Variants in RPL23 observed in about 807,000 individuals in gnomAD.
The protein encoded by RPL23 is large ribosomal subunit protein uL14.
For missense variants in RPL23, 79 were observed against 178.8 expected, an observed-to-expected ratio of 0.44 and a Z score of 3.18; for synonymous variants, 63 against 65.3, an observed-to-expected ratio of 0.97 and a Z score of 0.17.
Position 38,850,485 on chromosome 17 carries a change from GA to G in RPL23, c.227-11del. The stretch of plus-strand genomic sequence containing the variant: ...ACCACTGCTGGATGTACTGAGAGAA[GA>G]AAAAAGGACAGCAGTCATTAACCTG... On this transcript the variant is annotated splice_polypyrimidine_tract_variant and intron_variant, in intron 3 of 4. Coordinates refer to ENST00000479035, the MANE Select transcript of RPL23 (RefSeq NM_000978.4). 6.3e-7 allele frequency: 1 copy of G among 1,590,174 alleles called. No individual in the cohort carries two copies. Among genetic ancestry groups the G allele is most frequent in the Non-Finnish European group, 8.6e-7 (1 of 1,161,744 alleles).
chr17:38,848,076 C>T lies in RPL23; in HGVS notation c.*2056G>A. On this transcript the variant is annotated 3_prime_UTR_variant, in exon 5 of 5. Transcript: ENST00000479035. Reference sequence around the variant, plus strand: ...AGCAAGACTGCCTCAGAAAAGATAACATTCAAAAACAGCAGCGATTAGTGG... The same window carrying T: ...AGCAAGACTGCCTCAGAAAAGATAATATTCAAAAACAGCAGCGATTAGTGG... 6.5e-7 allele frequency: 1 copy of T among 1,529,632 alleles called. No individual in the cohort carries two copies. The highest frequency in any genetic ancestry group is 8.8e-7 in the Non-Finnish European group (1 of 1,139,652). The allele number at this position is 1,529,632 out of a possible 1,614,324, so 94.8% of individuals were successfully genotyped here.
At chr17:38,852,184 G>A (rs1450585666) in intron 3 of RPL23, 1 of 186,626 alleles carries the variant, frequency 5.4e-6, no homozygotes, top group African/African-American at 2.4e-5. Flanking sequence ...ATGTGCCACT[G>A]CACTCCAGCC....
intron 3 of RPL23, chr17:38,851,145 A>ATTTC (rs1912991256): frequency 1.3e-5 from 2 of 152,228 alleles, no homozygotes; most frequent in African/African-American, 4.8e-5. Context: ...AGTGAAATAT[A>ATTTC]ATGCTTGTGA....
Position 38,849,363 on chromosome 17 carries a change from C to CG in RPL23, c.*768dup, listed in dbSNP as rs1912939367. 8.9e-6 allele frequency: 1 copy of CG among 112,136 alleles called. No individual in the cohort carries two copies. The highest frequency in any genetic ancestry group is 1.9e-5 in the Non-Finnish European group (1 of 53,008). The allele number at this position is 112,136 out of a possible 1,614,324, so 6.9% of individuals were successfully genotyped here. ...TCAATGCCTTTTTTTGGGGCGGGGG[C>CG]GGGAACGGAATCTTGCTCCGTTGCC... On this transcript the variant is annotated 3_prime_UTR_variant, in exon 5 of 5. Transcript: ENST00000479035.
chr17:38,851,538 T>C (rs2143679544), intron 3 of RPL23: 1 of 152,320 alleles, frequency 6.6e-6, no homozygotes, highest in Non-Finnish European at 1.5e-5. Flanking sequence ...GTCCCACCAC[T>C]GACTGAGACC....
Position 38,853,041 on chromosome 17 carries a change from G to C in RPL23, c.78C>G (p.Ile26Met). The stretch of plus-strand genomic sequence containing the variant: ...CCTCACCTGTGTTGTCAGCACAATT[G>C]ATTACAGCTCCTACCGGAAGACCCA... ...ISLGLPVGAVINCADNTGAKN... is the reference protein window; with the variant it reads ...ISLGLPVGAVMNCADNTGAKN... Residue 26 changes from isoleucine to methionine, a missense_variant, in exon 2 of 5, where the codon ATC becomes ATG. Ile to Met is a conservative substitution (Grantham distance 10). Coordinates refer to ENST00000479035, the MANE Select transcript of RPL23 (RefSeq NM_000978.4). 6.2e-7 allele frequency: 1 copy of C among 1,614,098 alleles called. No homozygotes were observed. The highest frequency in any genetic ancestry group is 1.1e-5 in the South Asian group (1 of 91,070).
intron 3 of RPL23, 196 bp from the exon 4 acceptor site, chr17:38,850,671 T>G (rs1912976160): frequency 6.1e-6 from 1 of 164,884 alleles, no homozygotes; most frequent in South Asian, 8.3e-5. Context: ...TGCCCAGATT[T>G]TTTTTTTTTT....
chr17:38,852,792 T>G lies in RPL23; in HGVS notation c.98-60A>C, dbSNP rs1913040047. 1.9e-6 allele frequency: 3 copies of G among 1,611,778 alleles called. No homozygotes were observed. The Admixed American group carries it at 5.0e-5, about 27-fold the overall frequency. On this transcript the variant is annotated intron_variant, in intron 2 of 4. Transcript: ENST00000479035. Reference sequence around the variant, plus strand: ...GAGGGCCATCAGGCCGTTCCATCAGTATAACATTTCCCAAACACTTCCAAA... The same window carrying G: ...GAGGGCCATCAGGCCGTTCCATCAGGATAACATTTCCCAAACACTTCCAAA...
chr17:38,849,944 C>A lies in RPL23; in HGVS notation c.*188G>T. On this transcript the variant is annotated 3_prime_UTR_variant, in exon 5 of 5. Transcript: ENST00000479035. ...AGTCGTTTGGCAAACATGGTGAAAC[C>A]CTGTCTCCACCAAAAATACAAAAAC... The A allele has an allele frequency of 3.9e-6, 2 of 512,366 alleles. No homozygotes were observed. Among genetic ancestry groups the A allele is most frequent in the Non-Finnish European group, 6.9e-6 (2 of 291,960 alleles). The allele number at this position is 512,366 out of a possible 1,614,324, so 31.7% of individuals were successfully genotyped here. A position where few individuals can be genotyped will look rare whatever the true frequency, so the allele number is the denominator to read the frequency against.
rs1426602757 is a variant in RPL23, at chr17:38,848,716, C to A, written c.*1416G>T. The A allele has an allele frequency of 6.6e-6, 1 of 152,088 alleles. No individual in the cohort carries two copies. 9.4% of individuals were successfully genotyped at this position (152,088 alleles called of 1,614,324 possible). On this transcript the variant is annotated 3_prime_UTR_variant, in exon 5 of 5. Transcript: ENST00000479035. ...CATTTTCAAAAGCTCCAGGTTAGAA[C>A]AACTCCTCTCTAGGTCTGGTACATT...
At chr17:38,850,618 C>T in intron 3 of RPL23, 143 bp from the exon 4 acceptor site, 2 of 631,344 alleles carry the variant, frequency 3.2e-6, no homozygotes, top group Non-Finnish European at 5.6e-6. Context: ...GATCCTCCCA[C>T]CTCAGCCTCT....
chr17:38,850,348 G>A lies in RPL23; in HGVS notation c.340+14C>T, dbSNP rs780268281. 1.2e-6 allele frequency: 2 copies of A among 1,604,364 alleles called. No individual in the cohort carries two copies. The highest frequency in any genetic ancestry group is 1.1e-5 in the South Asian group (1 of 90,858). ...CCTCAGAGACCTAAGGAACAAGCTG[G>A]ACTGATTTCCTACCTTTCATCTCGC... On this transcript the variant is annotated intron_variant, in intron 4 of 4. Transcript: ENST00000479035.
intron 1 of RPL23, chr17:38,853,348 C>T (rs1598093826): frequency 1.4e-6 from 1 of 690,782 alleles, no homozygotes; most frequent in Admixed American, 2.1e-5. Flanking sequence ...CGACTCAACC[C>T]TTGCTCTAAC....
In RPL23 at chr17:38,848,833, G is replaced by T. The variant is rs1052869056; in HGVS notation, c.*1299C>A. On this transcript the variant is annotated 3_prime_UTR_variant, in exon 5 of 5. Transcript: ENST00000479035. ...CCAACTTACAGGTAGAAACATTTATGGCTGAGTATTTGCAGATACAGATAC... is the reference window on the plus strand; with the variant it reads ...CCAACTTACAGGTAGAAACATTTATTGCTGAGTATTTGCAGATACAGATAC... 27 of 152,280 alleles carry T rather than the reference G, an allele frequency of 1.8e-4. No individual in the cohort carries two copies. Among genetic ancestry groups the T allele is most frequent in the African/African-American group, 6.3e-4 (26 of 41,550 alleles). 9.4% of individuals were successfully genotyped at this position (152,280 alleles called of 1,614,324 possible).
At position 38,853,303 on chromosome 17, in the gene RPL23, A is replaced by G. The variant is rs966100608; in HGVS notation, c.14-198T>C. On this transcript the variant is annotated intron_variant, in intron 1 of 4. Coordinates refer to ENST00000479035, the MANE Select transcript of RPL23 (RefSeq NM_000978.4). ...CACGGAAAGTAGCCTATTTCTTACT[A>G]TTAACACTCTGACATCGAAATTAAG... 6 of 656,264 alleles carry G rather than the reference A, an allele frequency of 9.1e-6. No individual in the cohort carries two copies. The African/African-American group carries it at 1.1e-4, about 12-fold the overall frequency. 40.7% of individuals were successfully genotyped at this position (656,264 alleles called of 1,614,324 possible).
At position 38,848,299 on chromosome 17, in the gene RPL23, T is replaced by A; in HGVS notation, c.*1833A>T. 3.1e-6 allele frequency: 1 copy of A among 321,162 alleles called. No homozygotes were observed. 19.9% of individuals were successfully genotyped at this position (321,162 alleles called of 1,614,324 possible). A position where few individuals can be genotyped will look rare whatever the true frequency, so the allele number is the denominator to read the frequency against. On this transcript the variant is annotated 3_prime_UTR_variant, in exon 5 of 5. Transcript: ENST00000479035. The stretch of plus-strand genomic sequence containing the variant: ...GGTTGCCCAGGCTGGAGCACAATCG[T>A]GCGACCTCAGCTCACTGCAACCTCC...
intron 3 of RPL23, 150 bp downstream of exon 3, chr17:38,852,454 C>A: frequency 1.1e-6 from 1 of 931,054 alleles, no homozygotes; most frequent in East Asian, 2.5e-5. Flanking sequence ...CCCCCTCCAA[C>A]ACAATATGAG....
intron 1 of RPL23, 175 bp from the exon 2 acceptor site, chr17:38,853,280 C>G (rs894950470): frequency 1.5e-6 from 1 of 655,220 alleles, no homozygotes; most frequent in African/African-American, 1.8e-5. Context: ...CCGATTCTCA[C>G]GGAAAGTAGC....
chr17:38,847,946 T>C lies in RPL23; in HGVS notation c.*2186A>G. The C allele has an allele frequency of 6.5e-7, 1 of 1,544,540 alleles. No homozygotes were observed. Among genetic ancestry groups the C allele is most frequent in the African/African-American group, 1.4e-5 (1 of 72,852 alleles). On this transcript the variant is annotated 3_prime_UTR_variant, in exon 5 of 5. Transcript: ENST00000479035. ...GAGGTGGGATGCAGTGGCTCACACT[T>C]GTAATTGCAGCCCTTTGAAGGCCAC... is the stretch of plus-strand genomic sequence containing the variant.
Sources: gnomAD v4.1 joint callset for allele counts on GRCh38, gnomAD v4.1.1 for gene constraint, MANE v1.5 for transcripts, NCBI Gene and HGNC (gene_info 2026-07-23, HGNC 2026-07-21) for gene names.